The following NOXA1 variants were observed in gnomAD, a reference collection of about 807,000 sequenced individuals.
The protein encoded by NOXA1 is NADPH oxidase activator 1, also known as NCF2-like protein.
Under a neutral mutation model 64.8 loss-of-function variants are expected in NOXA1, and 56 were observed. That is an observed-to-expected ratio of 0.86 (90% CI 0.70 to 1.08). The LOEUF is 1.08. NOXA1 is among the 50% of genes least tolerant of loss of function. The probability of loss-of-function intolerance (pLI) is 0.00; values close to 1 mark genes in which losing one functional copy is unlikely to be tolerated. For synonymous variants in NOXA1, 295 were observed against 294.8 expected, an observed-to-expected ratio of 1.00 and a Z score of -0.01; for missense variants, 668 against 658.5, an observed-to-expected ratio of 1.01 and a Z score of -0.16.
chr9:137,433,375 A>C, intron 10 of NOXA1, 78 bp from the exon 11 acceptor site: 1 of 1,512,184 alleles, frequency 6.6e-7, no homozygotes, highest in Non-Finnish European at 8.9e-7. Context: ...GTCTCTGTCC[A>C]CACCCCTCGG....
At chr9:137,429,445 C>T (rs1838994508) in intron 5 of NOXA1, 62 bp downstream of exon 5, 1 of 1,233,176 alleles carries the variant, frequency 8.1e-7, no homozygotes, top group Non-Finnish European at 1.2e-6. Flanking sequence ...AACTGTGTTC[C>T]CAGGGATGGG....
chr9:137,423,647 C>T lies in NOXA1; in HGVS notation c.118C>T (p.Leu40=). ...GGGCGTCCCGGCGCCGCCCGCCAGG[C>T]TGTGCTTCAACGCGGGCTGCGTGCA... ...FSGVPAPPAR[L]CFNAGCVHLL... Residue 40 remains leucine (L), a synonymous_variant, in exon 1 of 14, where the codon CTG becomes TTG. Coordinates refer to ENST00000683555, the MANE Select transcript of NOXA1 (RefSeq NM_001256067.2). The T allele has an allele frequency of 7.0e-7, 1 of 1,425,312 alleles. No homozygotes were observed. Among genetic ancestry groups the T allele is most frequent in the African/African-American group, 1.5e-5 (1 of 67,808 alleles). The allele number at this position is 1,425,312 out of a possible 1,614,324, so 88.3% of individuals were successfully genotyped here.
In NOXA1 at chr9:137,433,619, A is replaced by G; in HGVS notation, c.1064+12A>G. ...CTTGGGCAACTCAGGTGGGCCAGAA[A>G]GCCCCCGGTGGCTGCGGTGGAGCTG... On this transcript the variant is annotated intron_variant, in intron 11 of 13. Coordinates refer to ENST00000683555, the MANE Select transcript of NOXA1 (RefSeq NM_001256067.2). 1 of 1,540,680 alleles carries G rather than the reference A, an allele frequency of 6.5e-7. No individual in the cohort carries two copies. The highest frequency in any genetic ancestry group is 1.4e-5 in the African/African-American group (1 of 73,204).
At chr9:137,434,176 AG>A in intron 13 of NOXA1, 47 bp from the exon 14 acceptor site, 1 of 1,582,736 alleles carries the variant, frequency 6.3e-7, no homozygotes. Flanking sequence ...TGGCACCCAG[AG>A]GCCACGCCTG....
chr9:137,428,809 G>T, intron 3 of NOXA1, 73 bp from the exon 4 acceptor site: 1 of 1,455,070 alleles, frequency 6.9e-7, no homozygotes, highest in Non-Finnish European at 9.1e-7. Context: ...CGAGGGAGGA[G>T]CTGGGTGGGG....
chr9:137,427,864 C>T (rs1265312930), intron 2 of NOXA1, among the ~76,000 whole-genome samples, 169 bp from the exon 3 acceptor site: 1 of 152,240 alleles, frequency 6.6e-6, no homozygotes, highest in Non-Finnish European at 1.5e-5. Context: ...TGTGCATGGA[C>T]CCCTGGCCCA....
intron 4 of NOXA1, 32 bp from the exon 5 acceptor site, chr9:137,429,244 G>T: frequency 6.8e-7 from 1 of 1,477,752 alleles, no homozygotes; most frequent in Non-Finnish European, 9.1e-7. Flanking sequence ...TGGTCACCCC[G>T]TCTGCATCTG....
At chr9:137,424,381 C>T (rs1838744265) in intron 1 of NOXA1, among the ~76,000 whole-genome samples, 1 of 152,264 alleles carries the variant, frequency 6.6e-6, no homozygotes, top group Admixed American at 6.5e-5. Context: ...TGAGACCCCC[C>T]TCTCTTGTGT....
intron 10 of NOXA1, 73 bp from the exon 11 acceptor site, chr9:137,433,380 C>T: frequency 1.3e-6 from 2 of 1,517,908 alleles, no homozygotes; most frequent in Non-Finnish European, 8.8e-7. Context: ...TGTCCACACC[C>T]CTCGGGCTGA....
chr9:137,429,112 G>A, intron 4 of NOXA1, 96 bp downstream of exon 4: 1 of 1,431,098 alleles, frequency 7.0e-7, no homozygotes, highest in East Asian at 2.5e-5. Flanking sequence ...GGAGGGAGAT[G>A]GCCCTAGTGC....
intron 1 of NOXA1, among the ~76,000 whole-genome samples, chr9:137,424,380 C>T (rs1057220395): frequency 3.9e-5 from 6 of 152,248 alleles, no homozygotes; most frequent in Admixed American, 2.0e-4. Flanking sequence ...ATGAGACCCC[C>T]CTCTCTTGTG....
At chr9:137,426,594 G>C (rs1838855517) in intron 2 of NOXA1, among the ~76,000 whole-genome samples, 1 of 152,156 alleles carries the variant, frequency 6.6e-6, no homozygotes, top group African/African-American at 2.4e-5. Context: ...AGGGAAAGGA[G>C]ACCATCGGGA....
intron 1 of NOXA1, among the ~76,000 whole-genome samples, chr9:137,425,826 C>A (rs532339994): frequency 1.3e-5 from 2 of 150,742 alleles, no homozygotes; most frequent in African/African-American, 4.9e-5. Context: ...GAGCCAAGAT[C>A]GAGCCACTGC....
chr9:137,432,980 C>T (rs1221791088), intron 8 of NOXA1, 49 bp from the exon 9 acceptor site: 2 of 1,605,128 alleles, frequency 1.2e-6, no homozygotes, highest in African/African-American at 1.3e-5. Flanking sequence ...CAGTACCGGC[C>T]TCCAGCACCT....
chr9:137,423,829 C>T, intron 1 of NOXA1, 123 bp downstream of exon 1: 1 of 848,844 alleles, frequency 1.2e-6, no homozygotes, highest in East Asian at 3.9e-5. Flanking sequence ...GCGAACGCCC[C>T]GGCAGGTGGG....
In NOXA1 at chr9:137,434,085, G is replaced by T; in HGVS notation, c.1294+6G>T. The T allele has an allele frequency of 6.3e-7, 1 of 1,584,822 alleles. No individual in the cohort carries two copies. ...GGTGGACGTCCTGTGTGAAGGTAGG[G>T]TGGGCATGGCCCTTCCCAGGCAGCA... On this transcript the variant is annotated splice_donor_region_variant and intron_variant, in intron 13 of 13. Transcript: ENST00000683555.
intron 11 of NOXA1, 70 bp downstream of exon 11, chr9:137,433,677 AG>A: frequency 2.7e-6 from 4 of 1,509,026 alleles, no homozygotes. Flanking sequence ...CTGCTGGAAG[AG>A]GGGGTGGCAG....
chr9:137,427,162 G>A (rs906551355), intron 2 of NOXA1, among the ~76,000 whole-genome samples: 3 of 152,182 alleles, frequency 2.0e-5, no homozygotes, highest in Admixed American at 1.3e-4. Context: ...TTCATTGGCC[G>A]ATAAAATAGA....
chr9:137,431,185 C>A lies in NOXA1; in HGVS notation c.699-51C>A. The A allele has an allele frequency of 6.2e-7, 1 of 1,609,460 alleles. No individual in the cohort carries two copies. Among genetic ancestry groups the A allele is most frequent in the South Asian group, 1.1e-5 (1 of 90,908 alleles). ...CACATGGGGCCACGCGGGCCGGGCA[C>A]AGGAGGGCAGTCAGATGGGCAGGGC... On this transcript the variant is annotated intron_variant, in intron 7 of 13. Coordinates refer to ENST00000683555, the MANE Select transcript of NOXA1 (RefSeq NM_001256067.2). The surrounding 1 kb of genome is among the most constrained non-coding windows in gnomAD (Gnocchi z 5.6).
Sources: gnomAD v4.1 joint callset for allele counts (sites outside exome capture counted in the v4.1 genomes callset) on GRCh38, gnomAD v4.1.1 for gene constraint, Gnocchi (gnomAD v3.1) non-coding constraint, MANE v1.5 for transcripts, NCBI Gene and HGNC (gene_info 2026-07-23, HGNC 2026-07-21) for gene names.